Variants in APMAP observed in about 807,000 individuals in gnomAD.
APMAP encodes the protein adipocyte plasma membrane-associated protein.
A neutral mutation model predicts 43.6 loss-of-function variants in APMAP; 33 were observed. The observed-to-expected ratio is 0.76, with a 90% CI of 0.57 to 1.01. APMAP has a LOEUF of 1.01. Ranked by LOEUF, APMAP falls within the 50% of genes least tolerant of loss-of-function variation. The pLI is 0.00. For missense variants in APMAP, 498 were observed against 540.7 expected (o/e 0.92, Z 0.78); for synonymous variants, 224 against 216.7 (o/e 1.03, Z -0.30).
chr20:24,992,518 G>C (rs2088202964), intron 1 of APMAP, 76 bp downstream of exon 1: 2 of 1,222,608 alleles, frequency 1.6e-6, no homozygotes, highest in Admixed American at 7.2e-5. Context: ...TGTTACTGCC[G>C]TCGCCGCTGT....
Position 24,970,295 on chromosome 20 carries a change from G to T in APMAP, c.615C>A (p.Val205=). 6.2e-7 allele frequency: 1 copy of T among 1,614,076 alleles called. No homozygotes were observed. Among genetic ancestry groups the T allele is most frequent in the Non-Finnish European group, 8.5e-7 (1 of 1,180,004 alleles). Reference sequence around the variant, plus strand: ...AATAAATCTTCCTCCCATCCTGAGTGACTGTAAGATCATTCACAAAGGACA... The same window carrying T: ...AATAAATCTTCCTCCCATCCTGAGTTACTGTAAGATCATTCACAAAGGACA... ...KNMSFVNDLT[V]TQDGRKIYFT... Residue 205 remains valine, a synonymous_variant, in exon 6 of 9, where the codon GTC becomes GTA. Coordinates refer to ENST00000217456, the MANE Select transcript of APMAP (RefSeq NM_020531.3).
At chr20:24,987,184 A>C (rs1203846315) in intron 1 of APMAP, among the ~76,000 whole-genome samples, 3 of 152,196 alleles carry the variant, frequency 2.0e-5, no homozygotes, top group Non-Finnish European at 4.4e-5. Flanking sequence ...GTACAGTGGC[A>C]TGATCATATC....
chr20:24,984,082 G>C, intron 1 of APMAP, 63 bp from the exon 2 acceptor site: 1 of 1,375,058 alleles, frequency 7.3e-7, no homozygotes. Context: ...AGGTTGGCTG[G>C]TCCGAAAGCC....
At position 24,963,695 on chromosome 20, in the gene APMAP, T is replaced by C. The variant is rs1568808749; in HGVS notation, c.*118A>G. 1 of 1,071,510 alleles carries C rather than the reference T, an allele frequency of 9.3e-7. No homozygotes were observed. Among genetic ancestry groups the C allele is most frequent in the South Asian group, 1.5e-5 (1 of 67,134 alleles). 66.4% of individuals were successfully genotyped at this position (1,071,510 alleles called of 1,614,324 possible). ...GCCATTCCCACCACCTCTCAGGGAC[T>C]AACAGGTGCATGTGGACACTTGAAC... On this transcript the variant is annotated 3_prime_UTR_variant, in exon 9 of 9. Coordinates refer to ENST00000217456, the MANE Select transcript of APMAP (RefSeq NM_020531.3).
intron 2 of APMAP, among the ~76,000 whole-genome samples, 171 bp from the exon 3 acceptor site, chr20:24,979,053 C>G (rs1041229387): frequency 6.6e-6 from 1 of 151,274 alleles, no homozygotes; most frequent in African/African-American, 2.5e-5. Context: ...CAGAAAACAT[C>G]ATGGTACAAA....
At chr20:24,971,393 T>C in intron 5 of APMAP, 67 bp downstream of exon 5, 1 of 1,356,544 alleles carries the variant, frequency 7.4e-7, no homozygotes, top group Non-Finnish European at 1.0e-6. Context: ...CTATTAAGTC[T>C]ACACATACAT....
intron 1 of APMAP, among the ~76,000 whole-genome samples, chr20:24,987,870 T>C (rs2088161550): frequency 6.6e-6 from 1 of 152,136 alleles, no homozygotes; most frequent in Admixed American, 6.5e-5. Flanking sequence ...TCAACCCAAG[T>C]GATTTTCTTT....
chr20:24,978,836 T>C lies in APMAP; in HGVS notation c.259A>G (p.Lys87Glu). ...AACAGCCTTTCTGCCTGTCGCAGCT[T>C]CGTATTTGGATGCAGAACACCAAGC... The part of the protein sequence containing the change: ...LLLGVLHPNT[K>E]LRQAERLFEN... The change falls in exon 3 of 9, where the codon AAG (lysine) becomes GAG (glutamate). Residue 87 changes from lysine to glutamate, a missense_variant. By Grantham distance (56) the Lys-to-Glu change is moderately conservative. Transcript: ENST00000217456. 1 of 1,612,190 alleles carries C rather than the reference T, an allele frequency of 6.2e-7. No homozygotes were observed. Among genetic ancestry groups the C allele is most frequent in the Non-Finnish European group, 8.5e-7 (1 of 1,178,942 alleles).
intron 2 of APMAP, among the ~76,000 whole-genome samples, chr20:24,979,577 A>G (rs1224369939): frequency 1.3e-5 from 2 of 152,034 alleles, no homozygotes; most frequent in Non-Finnish European, 2.9e-5. Context: ...AAAAGACACC[A>G]TTGAACCCGT....
chr20:24,969,538 G>T lies in APMAP; in HGVS notation c.836C>A (p.Ala279Asp). The change falls in exon 7 of 9, where the codon GCC (alanine) becomes GAC (aspartate). Residue 279 changes from alanine (A) to aspartate (D), a missense_variant. Coordinates refer to ENST00000217456, the MANE Select transcript of APMAP (RefSeq NM_020531.3). ...DFVLVAETTM[A>D]RIRRVYVSGL... is the part of the protein sequence containing the mutation. ...ATCCCACACACACCTTCGTATCCTG[G>T]CCATGGTTGTTTCTGCCACCAGGAC... 6.2e-7 allele frequency: 1 copy of T among 1,612,470 alleles called. No individual in the cohort carries two copies. The highest frequency in any genetic ancestry group is 8.5e-7 in the Non-Finnish European group (1 of 1,178,752).
intron 7 of APMAP, 55 bp from the exon 8 acceptor site, chr20:24,969,139 A>C: frequency 6.7e-7 from 1 of 1,496,456 alleles, no homozygotes; most frequent in Non-Finnish European, 8.9e-7. Flanking sequence ...TTCAGAAAAA[A>C]AATTTTAGCC....
intron 2 of APMAP, among the ~76,000 whole-genome samples, chr20:24,982,775 C>T (rs1192920077): frequency 6.6e-6 from 1 of 152,178 alleles, no homozygotes; most frequent in African/African-American, 2.4e-5. Context: ...ATGAGCCATC[C>T]TGCTCTGTAA....
At chr20:24,971,766 G>GGGGTGCTCACTGCA (rs2088003484) in intron 4 of APMAP, among the ~76,000 whole-genome samples, 190 bp from the exon 5 acceptor site, 1 of 151,982 alleles carries the variant, frequency 6.6e-6, no homozygotes, top group Admixed American at 6.5e-5. Flanking sequence ...TGTTCATTGT[G>GGGGTGCTCACTGCA]GGGTGCTCAC....
chr20:24,982,152 T>C lies in APMAP; in HGVS notation c.212+1751A>G, dbSNP rs533785112. Among the ~76,000 whole-genome samples the C allele has an allele frequency of 2.7e-5, 4 of 149,700 alleles. No individual in the cohort carries two copies. The South Asian group carries it at 8.5e-4, about 32-fold the overall frequency. On this transcript the variant is annotated intron_variant, in intron 2 of 8. Transcript: ENST00000217456. ...CCAGGAGAGAGGTCCCTGTTGGCTG[T>C]GATGGTTCCACTGCCATTCTGAAAG...
chr20:24,965,965 T>C (rs979316778), intron 8 of APMAP, among the ~76,000 whole-genome samples: 2 of 152,160 alleles, frequency 1.3e-5, no homozygotes, highest in Admixed American at 1.3e-4. Flanking sequence ...GAGTGGTGTG[T>C]GTGTGTGATG....
At chr20:24,984,986 C>T (rs1214786030) in intron 1 of APMAP, among the ~76,000 whole-genome samples, 1 of 152,292 alleles carries the variant, frequency 6.6e-6, no homozygotes, top group East Asian at 1.9e-4. Flanking sequence ...AAAGTCAAGA[C>T]TCACACTTAA....
intron 8 of APMAP, among the ~76,000 whole-genome samples, chr20:24,964,785 T>G (rs74532729): frequency 6.6e-6 from 1 of 152,222 alleles, no homozygotes; most frequent in East Asian, 1.9e-4. Context: ...TTTCTAGCTT[T>G]TAATACAAGG....
intron 8 of APMAP, among the ~76,000 whole-genome samples, chr20:24,968,438 G>C (rs900323200): frequency 1.3e-5 from 2 of 152,212 alleles, no homozygotes; most frequent in African/African-American, 4.8e-5. Flanking sequence ...CTAGGTTACA[G>C]GGGTGGCCAC....
chr20:24,980,039 T>C (rs567498889), intron 2 of APMAP, among the ~76,000 whole-genome samples: 18 of 152,192 alleles, frequency 1.2e-4, no homozygotes, highest in Non-Finnish European at 2.5e-4. Context: ...CAGCTTCTCA[T>C]GCACTGTGTG....
Sources: gnomAD v4.1 joint callset for allele counts (sites outside exome capture counted in the v4.1 genomes callset) on GRCh38, gnomAD v4.1.1 for gene constraint, MANE v1.5 for transcripts, NCBI Gene and HGNC (gene_info 2026-07-23, HGNC 2026-07-21) for gene names.